Variants in SLC4A10 observed in about 807,000 individuals in gnomAD.
The protein encoded by SLC4A10 is sodium-driven chloride bicarbonate exchanger.
In SLC4A10, 42 loss-of-function variants were observed where a neutral mutation model predicts 137.7. The observed-to-expected ratio is 0.30, with a 90% CI of 0.24 to 0.39. The LOEUF (loss-of-function observed/expected upper bound fraction) is 0.39, where lower values mean the gene tolerates loss of function less well. SLC4A10 is among the 10% of genes least tolerant of loss of function. The pLI is 1.00. For missense variants in SLC4A10, 925 were observed against 1,355.0 expected, an observed-to-expected ratio of 0.68 and a Z score of 4.98; for synonymous variants, 474 against 464.1, an observed-to-expected ratio of 1.02 and a Z score of -0.27.
intron 1 of SLC4A10, among the ~76,000 whole-genome samples, chr2:161,693,245 C>T (rs564732026): frequency 6.6e-6 from 1 of 152,038 alleles, no homozygotes. Flanking sequence ...TTTGGGTAAA[C>T]CCTGGGACAA....
intron 9 of SLC4A10, among the ~76,000 whole-genome samples, chr2:161,880,727 C>T (rs1283934722): frequency 6.6e-6 from 1 of 152,094 alleles, no homozygotes; most frequent in Non-Finnish European, 1.5e-5. Flanking sequence ...AGATGTTAAA[C>T]TTGCTAATGG....
chr2:161,787,665 A>G (rs2053774534), intron 2 of SLC4A10, among the ~76,000 whole-genome samples: 1 of 152,114 alleles, frequency 6.6e-6, no homozygotes, highest in Non-Finnish European at 1.5e-5. Context: ...TTGAAAGACC[A>G]ATGTTTAAGC....
chr2:161,804,655 A>G lies in SLC4A10; in HGVS notation c.277+60A>G. The G allele has an allele frequency of 3.4e-6, 5 of 1,481,958 alleles. No individual in the cohort carries two copies. In the South Asian group the frequency reaches 5.3e-5, roughly 16 times the overall value. 91.8% of individuals were successfully genotyped at this position (1,481,958 alleles called of 1,614,324 possible). The stretch of plus-strand genomic sequence containing the variant: ...TTATTGTAATATACTTGCTTATACA[A>G]TTATGATTAGGAGTAATACCTTATA... On this transcript the variant is annotated intron_variant, in intron 3 of 26. Coordinates refer to ENST00000446997, the MANE Select transcript of SLC4A10 (RefSeq NM_001178015.2).
chr2:161,708,603 G>C, intron 1 of SLC4A10: 1 of 1,320,614 alleles, frequency 7.6e-7, no homozygotes, highest in Non-Finnish European at 1.0e-6. Context: ...GCACAGGGGA[G>C]ATGATAAATA....
At chr2:161,818,121 G>A (rs1192707283) in intron 3 of SLC4A10, among the ~76,000 whole-genome samples, 4 of 152,122 alleles carry the variant, frequency 2.6e-5, no homozygotes, top group African/African-American at 9.7e-5. Context: ...AGCATGGAAT[G>A]TTCTTCCATT....
chr2:161,872,181 T>A, intron 6 of SLC4A10, 112 bp from the exon 7 acceptor site: 1 of 622,970 alleles, frequency 1.6e-6, no homozygotes. Flanking sequence ...TCTTACATCA[T>A]AAATTTATTA....
At chr2:161,900,017 A>T (rs1682689952) in intron 11 of SLC4A10, among the ~76,000 whole-genome samples, 1 of 152,210 alleles carries the variant, frequency 6.6e-6, no homozygotes, top group African/African-American at 2.4e-5. Context: ...TGTTTACACT[A>T]ATTCTATTTT....
Position 161,904,861 on chromosome 2 carries a change from G to A in SLC4A10, c.1703G>A (p.Ser568Asn). The A allele has an allele frequency of 6.2e-7, 1 of 1,613,948 alleles. No homozygotes were observed. The highest frequency in any genetic ancestry group is 8.5e-7 in the Non-Finnish European group (1 of 1,179,872). Reference protein sequence around the residue: ...FGGQPLTILGSTGPVLVFEKI... With the variant: ...FGGQPLTILGNTGPVLVFEKI... ...GGACAGCCTCTTACCATATTAGGCAGTACAGGACCAGTTTTGGTGTTTGAA... is the reference window on the plus strand; with the variant it reads ...GGACAGCCTCTTACCATATTAGGCAATACAGGACCAGTTTTGGTGTTTGAA... The change falls in exon 14 of 27, where the codon AGT becomes AAT. Residue 568 changes from serine to asparagine, a missense_variant. Ser to Asn is a conservative substitution (Grantham distance 46). This residue lies in a region of SLC4A10 where 61 missense variants were observed against 168.0 expected (regional missense o/e 0.36). Coordinates refer to ENST00000446997, the MANE Select transcript of SLC4A10 (RefSeq NM_001178015.2).
intron 2 of SLC4A10, among the ~76,000 whole-genome samples, chr2:161,776,114 A>G (rs971337514): frequency 6.6e-6 from 1 of 151,986 alleles, no homozygotes; most frequent in Non-Finnish European, 1.5e-5. Flanking sequence ...AGTTTGAAAT[A>G]GTCCAATCAC....
At chr2:161,656,049 T>A (rs2037484939) in intron 1 of SLC4A10, among the ~76,000 whole-genome samples, 1 of 152,072 alleles carries the variant, frequency 6.6e-6, no homozygotes, top group South Asian at 2.1e-4. Flanking sequence ...CCTGACCTCG[T>A]GATCCAACCC....
chr2:161,883,690 T>C (rs1356195373), intron 10 of SLC4A10, among the ~76,000 whole-genome samples: 1 of 152,144 alleles, frequency 6.6e-6, no homozygotes, highest in Non-Finnish European at 1.5e-5. Context: ...CTTCCTTGTC[T>C]CTTCCATATT....
chr2:161,820,202 A>G (rs1394993762), intron 3 of SLC4A10, among the ~76,000 whole-genome samples: 1 of 152,246 alleles, frequency 6.6e-6, no homozygotes, highest in Non-Finnish European at 1.5e-5. Context: ...AATGAAGCAA[A>G]TATAGAAAAC....
intron 15 of SLC4A10, among the ~76,000 whole-genome samples, chr2:161,923,907 A>G (rs187020202): frequency 6.6e-6 from 1 of 152,318 alleles, no homozygotes; most frequent in African/African-American, 2.4e-5. Flanking sequence ...ACTGAAACAT[A>G]GAGTGATTAA....
chr2:161,806,769 TC>T (rs1378218717), intron 3 of SLC4A10, among the ~76,000 whole-genome samples: 1 of 152,164 alleles, frequency 6.6e-6, no homozygotes, highest in African/African-American at 2.4e-5. Context: ...TTCCAAACTT[TC>T]CCACATTTTC....
intron 18 of SLC4A10, among the ~76,000 whole-genome samples, chr2:161,949,623 A>G (rs1034957363): frequency 2.6e-5 from 4 of 151,980 alleles, no homozygotes; most frequent in Non-Finnish European, 5.9e-5. Context: ...ATAAAAATAG[A>G]TTGGGAATAG....
At chr2:161,917,661 A>T (rs1202842681) in intron 15 of SLC4A10, among the ~76,000 whole-genome samples, 1 of 151,860 alleles carries the variant, frequency 6.6e-6, no homozygotes, top group Admixed American at 6.6e-5. Context: ...ACATCAGTAT[A>T]TGAAATCATA....
At chr2:161,670,299 TTC>T (rs1558991720) in intron 1 of SLC4A10, among the ~76,000 whole-genome samples, 21 of 147,314 alleles carry the variant, frequency 1.4e-4, no homozygotes, top group Non-Finnish European at 9.0e-5. Flanking sequence ...CCCTTTCATC[TTC>T]TTTTTTTTTT....
intron 15 of SLC4A10, among the ~76,000 whole-genome samples, chr2:161,907,637 GAGA>G (rs1413276849): frequency 6.6e-6 from 1 of 152,224 alleles, no homozygotes; most frequent in Non-Finnish European, 1.5e-5. Flanking sequence ...TTGAGGTTCA[GAGA>G]AGGCTTCCTG....
At chr2:161,942,934 G>A (rs1692992910) in intron 16 of SLC4A10, 37 bp downstream of exon 16, 1 of 1,502,690 alleles carries the variant, frequency 6.7e-7, no homozygotes, top group Admixed American at 2.0e-5. Flanking sequence ...ATACCTAAGA[G>A]CTTTTGTTGA....
Sources: gnomAD v4.1 joint callset for allele counts (sites outside exome capture counted in the v4.1 genomes callset) on GRCh38, gnomAD v4.1.1 for gene constraint, gnomAD v4.1.1 regional missense constraint, MANE v1.5 for transcripts, NCBI Gene and HGNC (gene_info 2026-07-23, HGNC 2026-07-21) for gene names.